Variants in NTM observed in about 807,000 individuals in gnomAD.
NTM encodes the protein neurotrimin.
A neutral mutation model predicts 42.1 loss-of-function variants in NTM; 13 were observed. The observed-to-expected ratio is 0.31, with a 90% CI of 0.20 to 0.49. The LOEUF (loss-of-function observed/expected upper bound fraction) is 0.49, where lower values mean the gene tolerates loss of function less well. NTM is among the 20% of genes least tolerant of loss of function. The probability of loss-of-function intolerance (pLI) is 0.99; values close to 1 mark genes in which losing one functional copy is unlikely to be tolerated. For synonymous variants in NTM, 187 were observed against 179.2 expected, an observed-to-expected ratio of 1.04 and a Z score of -0.35; for missense variants, 373 against 452.8, an observed-to-expected ratio of 0.82 and a Z score of 1.60.
At chr11:131,382,238 C>T (rs556025646) in intron 1 of NTM, among the ~76,000 whole-genome samples, 1 of 152,218 alleles carries the variant, frequency 6.6e-6, no homozygotes, top group African/African-American at 2.4e-5. Context: ...ATTTTCCCTT[C>T]TTGACTGGGA....
chr11:131,718,651 T>C (rs12223773), intron 1 of NTM, among the ~76,000 whole-genome samples: 29,571 of 152,062 alleles, frequency 0.19, 3,477 homozygotes, highest in East Asian at 0.4. Context: ...ATCAGTCCTC[T>C]GCTGGATGCT....
intron 1 of NTM, among the ~76,000 whole-genome samples, chr11:131,673,879 C>T (rs1482586938): frequency 6.6e-6 from 1 of 152,150 alleles, no homozygotes; most frequent in Admixed American, 6.5e-5. Context: ...TTCATTTTTG[C>T]CCACACCTCC....
At chr11:132,301,602 G>T (rs1488672159) in intron 4 of NTM, among the ~76,000 whole-genome samples, 1 of 152,158 alleles carries the variant, frequency 6.6e-6, no homozygotes, top group Non-Finnish European at 1.5e-5. Flanking sequence ...ATGTTCATCA[G>T]CCATCATAAT....
chr11:131,723,357 G>A (rs532724842), intron 1 of NTM, among the ~76,000 whole-genome samples: 7 of 152,346 alleles, frequency 4.6e-5, no homozygotes, highest in East Asian at 1.9e-4. Flanking sequence ...ATCCTCTTCC[G>A]CTCAAGCGAT....
chr11:131,505,272 T>C (rs555355950), intron 1 of NTM, among the ~76,000 whole-genome samples: 3 of 152,332 alleles, frequency 2.0e-5, no homozygotes, highest in East Asian at 1.9e-4. Flanking sequence ...AAACAAGTAA[T>C]GCTAACAACG....
At chr11:131,407,551 G>C (rs1229203600) in intron 1 of NTM, among the ~76,000 whole-genome samples, 1 of 152,200 alleles carries the variant, frequency 6.6e-6, no homozygotes, top group Non-Finnish European at 1.5e-5. Flanking sequence ...GGAGGAGGAG[G>C]CTGAAGAAAG....
intron 4 of NTM, 53 bp from the exon 5 acceptor site, chr11:132,307,636 G>T (rs2095136603): frequency 6.2e-7 from 1 of 1,608,134 alleles, no homozygotes; most frequent in African/African-American, 1.3e-5. Flanking sequence ...AAGTGAACAT[G>T]TTTGGTCTTT....
At position 132,010,281 on chromosome 11, in the gene NTM, A is replaced by G. The variant is rs571785443; in HGVS notation, c.167+98633A>G. ...CTCAACTTATGTATGACAAAGCTAT[A>G]GCCCCAGCTTTTAGCTCACCTTGGT... On this transcript the variant is annotated intron_variant, in intron 2 of 8. Transcript: ENST00000683400. 2.9e-4 allele frequency among the ~76,000 whole-genome samples: 44 copies of G among 152,366 alleles called. No individual in the cohort carries two copies. In the South Asian group the frequency reaches 3.1e-3, roughly 11 times the overall value.
chr11:132,288,385 T>C (rs1457199690), intron 4 of NTM, among the ~76,000 whole-genome samples: 1 of 152,244 alleles, frequency 6.6e-6, no homozygotes, highest in Non-Finnish European at 1.5e-5. Context: ...TTCTGACATA[T>C]GAAATATAAT....
intron 1 of NTM, among the ~76,000 whole-genome samples, chr11:131,397,223 T>C (rs1944663488): frequency 6.6e-6 from 1 of 152,192 alleles, no homozygotes; most frequent in Non-Finnish European, 1.5e-5. Context: ...TAATCCATCT[T>C]CATGTTAGGC....
intron 4 of NTM, among the ~76,000 whole-genome samples, chr11:132,214,294 T>A (rs1194711555): frequency 3.3e-5 from 5 of 152,178 alleles, no homozygotes; most frequent in Non-Finnish European, 4.4e-5. Context: ...TGCTGGCGGA[T>A]GCCAGCCCAG....
At chr11:132,066,205 C>G (rs1202948875) in intron 2 of NTM, among the ~76,000 whole-genome samples, 1 of 152,206 alleles carries the variant, frequency 6.6e-6, no homozygotes, top group East Asian at 1.9e-4. Context: ...GTCTTCTTCT[C>G]AGAATGTGCT....
chr11:132,291,031 C>A (rs1333323835), intron 4 of NTM, among the ~76,000 whole-genome samples: 1 of 152,008 alleles, frequency 6.6e-6, no homozygotes, highest in Non-Finnish European at 1.5e-5. Flanking sequence ...TCACAATGGG[C>A]CGTATAGGAA....
chr11:132,030,020 ATATAT>A (rs1177959786), intron 2 of NTM, among the ~76,000 whole-genome samples: 1 of 152,182 alleles, frequency 6.6e-6, no homozygotes, highest in Non-Finnish European at 1.5e-5. Flanking sequence ...TTTTTCTAAA[ATATAT>A]TATTGTTTTG....
rs147208116 is a variant in NTM at position 132,127,803 on chromosome 11, A to G, written c.168-18479A>G. Reference sequence around the variant, plus strand: ...ATTCATTTTGTTTTCTGGGGCGAGCAAATTGAAGAAGTTGCTATTAATAGG... The same window carrying G: ...ATTCATTTTGTTTTCTGGGGCGAGCGAATTGAAGAAGTTGCTATTAATAGG... On this transcript the variant is annotated intron_variant, in intron 2 of 8. Coordinates refer to ENST00000683400, the MANE Select transcript of NTM (RefSeq NM_001352005.2). 2.2e-4 allele frequency among the ~76,000 whole-genome samples: 34 copies of G among 152,340 alleles called. No homozygotes were observed. The South Asian group carries it at 3.7e-3, about 17-fold the overall frequency.
intron 2 of NTM, among the ~76,000 whole-genome samples, chr11:131,913,631 C>G (rs770975602): frequency 8.1e-5 from 12 of 147,518 alleles, no homozygotes; most frequent in South Asian, 2.2e-4. Context: ...CGGTCCCCCT[C>G]TCTCTTTCAG....
At position 131,983,425 on chromosome 11, in the gene NTM, G is replaced by C. The variant is rs189310502; in HGVS notation, c.167+71777G>C. Among the ~76,000 whole-genome samples, 27 of 136,808 alleles carry C rather than the reference G, an allele frequency of 2.0e-4. No individual in the cohort carries two copies. The East Asian group carries it at 4.3e-3, about 22-fold the overall frequency. The allele number at this position is 136,808 out of a possible 152,430, so 89.8% of individuals were successfully genotyped here. ...GAGTCTCGCTCTGTCTCCTAGGCCAGAGTGCAGTGGTGTGATCTTGGCTCA... is the reference window on the plus strand; with the variant it reads ...GAGTCTCGCTCTGTCTCCTAGGCCACAGTGCAGTGGTGTGATCTTGGCTCA... On this transcript the variant is annotated intron_variant, in intron 2 of 8. Transcript: ENST00000683400.
At chr11:131,515,337 C>T (rs898387650) in intron 1 of NTM, among the ~76,000 whole-genome samples, 1 of 152,112 alleles carries the variant, frequency 6.6e-6, no homozygotes, top group Non-Finnish European at 1.5e-5. Context: ...CAGAACTCAG[C>T]GTGGGGAAAT....
intron 1 of NTM, among the ~76,000 whole-genome samples, chr11:131,737,156 G>A (rs1431111446): frequency 6.6e-6 from 1 of 152,212 alleles, no homozygotes; most frequent in Non-Finnish European, 1.5e-5. Context: ...GGCATCTTGT[G>A]AGGCATCCCA....
Sources: gnomAD v4.1 joint callset for allele counts (sites outside exome capture counted in the v4.1 genomes callset) on GRCh38, gnomAD v4.1.1 for gene constraint, MANE v1.5 for transcripts, NCBI Gene and HGNC (gene_info 2026-07-23, HGNC 2026-07-21) for gene names.